NOX4: variants seen among roughly 807,000 people sequenced by gnomAD.
The protein encoded by NOX4 is kidney oxidase-1.
In NOX4, 69 loss-of-function variants were observed where a neutral mutation model predicts 87.6. The ratio of observed to expected loss-of-function variants is 0.79; its 90% CI spans 0.65 to 0.96. The LOEUF (loss-of-function observed/expected upper bound fraction) is 0.96, where lower values mean the gene tolerates loss of function less well. Ranked by LOEUF, NOX4 falls within the 40% of genes least tolerant of loss-of-function variation. The pLI, the probability that NOX4 is intolerant of heterozygous loss-of-function variation, is 0.00. For missense variants in NOX4, 680 were observed against 681.5 expected (o/e 1.00, Z 0.02); for synonymous variants, 275 against 238.2 (o/e 1.15, Z -1.42).
At chr11:89,544,947 A>C in the NOX4 span, among the ~76,000 whole-genome samples, 21 of 151,884 alleles carry the variant, frequency 1.4e-4, no homozygotes, top group Non-Finnish European at 7.4e-5. Flanking sequence ...CAAACAAAAA[A>C]CTCGGTAGCA....
chr11:89,484,073 TTAGAC>T (rs1350907386), intron 2 of NOX4, among the ~76,000 whole-genome samples: 8 of 152,246 alleles, frequency 5.3e-5, no homozygotes, highest in East Asian at 1.9e-4. Context: ...TGCAAAGCTC[TTAGAC>T]TAAAGTCTAG....
chr11:89,401,199 C>A (rs547858815), intron 9 of NOX4, among the ~76,000 whole-genome samples: 2 of 152,014 alleles, frequency 1.3e-5, no homozygotes, highest in African/African-American at 4.8e-5. Flanking sequence ...ACAGACCATG[C>A]CTCTTCTGCA....
the NOX4 span, among the ~76,000 whole-genome samples, chr11:89,512,058 T>C: frequency 2.0e-5 from 3 of 152,092 alleles, no homozygotes; most frequent in Admixed American, 2.0e-4. Flanking sequence ...TGATATGTTA[T>C]CAGCTTGCCT....
At chr11:89,516,953 T>A in the NOX4 span, among the ~76,000 whole-genome samples, 1 of 151,420 alleles carries the variant, frequency 6.6e-6, no homozygotes, top group Non-Finnish European at 1.5e-5. Flanking sequence ...ATGGCAGTGA[T>A]GGCTGCAGTT....
the NOX4 span, among the ~76,000 whole-genome samples, chr11:89,549,902 T>C: frequency 6.6e-6 from 1 of 152,368 alleles, no homozygotes; most frequent in Admixed American, 6.5e-5. Context: ...CTATCATTGA[T>C]GGGCATTTGG....
At chr11:89,580,331 C>A in the NOX4 span, among the ~76,000 whole-genome samples, 3 of 151,850 alleles carry the variant, frequency 2.0e-5, no homozygotes, top group Non-Finnish European at 4.4e-5. Flanking sequence ...ACTACAGGTG[C>A]GCACCACCAC....
intron 7 of NOX4, among the ~76,000 whole-genome samples, chr11:89,426,319 TG>T (rs1943404852): frequency 6.6e-6 from 1 of 152,128 alleles, no homozygotes; most frequent in Admixed American, 6.5e-5. Flanking sequence ...GGGTGATTTC[TG>T]CATTTCCAAC....
At chr11:89,586,703 A>G in the NOX4 span, among the ~76,000 whole-genome samples, 12 of 152,320 alleles carry the variant, frequency 7.9e-5, no homozygotes, top group East Asian at 2.1e-3. Flanking sequence ...TATTATAGCA[A>G]ATAGGAGAGA....
the NOX4 span, among the ~76,000 whole-genome samples, chr11:89,516,279 T>C: frequency 4.6e-5 from 7 of 152,078 alleles, no homozygotes; most frequent in African/African-American, 1.4e-4. Flanking sequence ...CAGTCCTATA[T>C]CTTTTAAGAG....
the NOX4 span, among the ~76,000 whole-genome samples, chr11:89,552,151 C>T: frequency 6.6e-6 from 1 of 152,088 alleles, no homozygotes; most frequent in Non-Finnish European, 1.5e-5. Context: ...AAAGGCATAA[C>T]CTGTAGTTTT....
chr11:89,420,578 T>G (rs79883642), intron 8 of NOX4, among the ~76,000 whole-genome samples: 203 of 152,220 alleles, frequency 1.3e-3, no homozygotes, highest in Non-Finnish European at 2.4e-3. Context: ...TTGATACTGC[T>G]GTCTTAATCA....
At chr11:89,501,315 C>A (rs1947016269), upstream of NOX4, among the ~76,000 whole-genome samples, 1 of 151,966 alleles carries the variant, frequency 6.6e-6, no homozygotes. Context: ...TTTCCATATC[C>A]CAATGAGCAT....
At chr11:89,346,889 G>A (rs1184598818) in intron 13 of NOX4, among the ~76,000 whole-genome samples, 1 of 152,110 alleles carries the variant, frequency 6.6e-6, no homozygotes, top group African/African-American at 2.4e-5. Context: ...CCAGCCCAGG[G>A]GTTGGGATCC....
upstream of NOX4, among the ~76,000 whole-genome samples, chr11:89,493,635 C>G (rs1222626486): frequency 6.6e-6 from 1 of 151,718 alleles, no homozygotes; most frequent in Non-Finnish European, 1.5e-5. Context: ...CCAAGCCATC[C>G]CCAAGGGACA....
the NOX4 span, among the ~76,000 whole-genome samples, chr11:89,531,445 G>GCTGC: frequency 6.6e-6 from 1 of 152,152 alleles, no homozygotes; most frequent in Non-Finnish European, 1.5e-5. Flanking sequence ...CCAAATGCTA[G>GCTGC]CTGCCTGAGT....
intron 7 of NOX4, among the ~76,000 whole-genome samples, chr11:89,422,493 G>C (rs1391963437): frequency 6.6e-6 from 1 of 152,052 alleles, no homozygotes; most frequent in Non-Finnish European, 1.5e-5. Flanking sequence ...TATTGCTCTG[G>C]GGGAGGACAA....
At chr11:89,346,394 T>G (rs1429838200) in intron 13 of NOX4, among the ~76,000 whole-genome samples, 1 of 151,894 alleles carries the variant, frequency 6.6e-6, no homozygotes, top group Non-Finnish European at 1.5e-5. Flanking sequence ...CCATTATGAA[T>G]GGATACATTT....
chr11:89,539,170 A>T, the NOX4 span, among the ~76,000 whole-genome samples: 1 of 152,192 alleles, frequency 6.6e-6, no homozygotes, highest in African/African-American at 2.4e-5. Flanking sequence ...GCGGTGGCTC[A>T]CGCCTGTAAT....
intron 2 of NOX4, among the ~76,000 whole-genome samples, chr11:89,477,218 T>C (rs1462181968): frequency 1.3e-5 from 2 of 152,100 alleles, no homozygotes; most frequent in African/African-American, 4.8e-5. Context: ...AACTAAATGG[T>C]CCTATCTGGG....
Sources: allele counts gnomAD v4.1 joint callset (sites outside exome capture counted in the v4.1 genomes callset), GRCh38; gene constraint gnomAD v4.1.1; transcripts MANE v1.5; gene names NCBI Gene and HGNC (gene_info 2026-07-23, HGNC 2026-07-21).